The following CDH13 variants were observed in gnomAD, a reference collection of about 807,000 sequenced individuals.
The protein encoded by CDH13 is cadherin-13.
A neutral mutation model predicts 63.8 loss-of-function variants in CDH13; 24 were observed. The observed-to-expected ratio is 0.38, with a 90% CI of 0.27 to 0.53. The LOEUF (loss-of-function observed/expected upper bound fraction) is 0.53, where lower values mean the gene tolerates loss of function less well. CDH13 is among the 20% of genes least tolerant of loss of function. CDH13 has a pLI of 0.85. For synonymous variants in CDH13, 503 were observed against 355.3 expected, an observed-to-expected ratio of 1.42 and a Z score of -4.67; for missense variants, 1,049 against 903.1, an observed-to-expected ratio of 1.16 and a Z score of -2.07.
At chr16:83,021,490 A>ATGG (rs1597155578) in intron 2 of CDH13, among the ~76,000 whole-genome samples, 1 of 152,340 alleles carries the variant, frequency 6.6e-6, no homozygotes, top group East Asian at 1.9e-4. Flanking sequence ...TCAGTTTTTA[A>ATGG]TGGTAGGTGG....
chr16:83,599,291 C>T (rs1425198414), intron 7 of CDH13, among the ~76,000 whole-genome samples: 1 of 152,192 alleles, frequency 6.6e-6, no homozygotes, highest in Non-Finnish European at 1.5e-5. Flanking sequence ...ATAGAGTCAC[C>T]CTAGTCTCCC....
intron 7 of CDH13, among the ~76,000 whole-genome samples, chr16:83,507,109 A>G (rs1166757149): frequency 6.6e-6 from 1 of 151,960 alleles, no homozygotes; most frequent in Non-Finnish European, 1.5e-5. Flanking sequence ...TACCCCCCAA[A>G]CCTGGTGTGA....
intron 6 of CDH13, among the ~76,000 whole-genome samples, chr16:83,436,408 C>G (rs933314270): frequency 2.0e-5 from 3 of 151,930 alleles, no homozygotes; most frequent in Non-Finnish European, 4.4e-5. Flanking sequence ...GAGTTCAAGG[C>G]TGAAGTGAGT....
At chr16:82,965,264 C>A (rs1270524777) in intron 2 of CDH13, among the ~76,000 whole-genome samples, 3 of 152,214 alleles carry the variant, frequency 2.0e-5, no homozygotes, top group Non-Finnish European at 4.4e-5. Context: ...CACACGATCT[C>A]TCCAAAGCCT....
At chr16:83,419,796 C>T (rs1478590970) in intron 6 of CDH13, among the ~76,000 whole-genome samples, 1 of 152,150 alleles carries the variant, frequency 6.6e-6, no homozygotes, top group African/African-American at 2.4e-5. Context: ...CTCATGTTTT[C>T]CAGCAGGTTT....
chr16:83,794,090 C>T (rs866447583), intron 13 of CDH13, among the ~76,000 whole-genome samples: 6 of 152,278 alleles, frequency 3.9e-5, no homozygotes, highest in South Asian at 2.1e-4. Flanking sequence ...GGCAAGGGAA[C>T]GGATGCTTTC....
At chr16:82,923,762 T>A (rs146663349) in intron 2 of CDH13, among the ~76,000 whole-genome samples, 1 of 152,338 alleles carries the variant, frequency 6.6e-6, no homozygotes, top group African/African-American at 2.4e-5. Context: ...TTACTTCGCT[T>A]CCTCTTTATT....
At chr16:83,063,355 T>C (rs1329197110) in intron 3 of CDH13, among the ~76,000 whole-genome samples, 5 of 152,148 alleles carry the variant, frequency 3.3e-5, no homozygotes, top group Admixed American at 3.3e-4. Context: ...ACACCATCAG[T>C]TCCCCTGTGT....
At chr16:83,248,284 A>T (rs1175200623) in intron 5 of CDH13, among the ~76,000 whole-genome samples, 1 of 152,122 alleles carries the variant, frequency 6.6e-6, no homozygotes, top group Non-Finnish European at 1.5e-5. Context: ...AGAAGGAGAA[A>T]CAGAGGCAGG....
At chr16:83,153,946 C>A (rs995709547) in intron 4 of CDH13, among the ~76,000 whole-genome samples, 1 of 152,118 alleles carries the variant, frequency 6.6e-6, no homozygotes, top group Non-Finnish European at 1.5e-5. Flanking sequence ...TTCAGTGCAA[C>A]AAAAGAAGCT....
chr16:83,756,661 A>G (rs1913532336), intron 11 of CDH13, among the ~76,000 whole-genome samples: 1 of 152,222 alleles, frequency 6.6e-6, no homozygotes, highest in South Asian at 2.1e-4. Flanking sequence ...AAGATTGGAC[A>G]CCCCTGTTTA....
At chr16:82,848,954 G>A (rs1567597707) in intron 1 of CDH13, among the ~76,000 whole-genome samples, 1 of 152,166 alleles carries the variant, frequency 6.6e-6, no homozygotes, top group African/African-American at 2.4e-5. Flanking sequence ...AACTAAAGGT[G>A]CTACTCCACT....
intron 6 of CDH13, among the ~76,000 whole-genome samples, chr16:83,374,347 A>G (rs1196900351): frequency 1.3e-5 from 2 of 152,140 alleles, no homozygotes; most frequent in African/African-American, 4.8e-5. Flanking sequence ...GCCAAATTCC[A>G]TTGGTTTCTA....
At chr16:83,304,649 C>T (rs554390012) in intron 5 of CDH13, among the ~76,000 whole-genome samples, 2 of 152,076 alleles carry the variant, frequency 1.3e-5, no homozygotes, top group Non-Finnish European at 2.9e-5. Flanking sequence ...GGAACAGGTT[C>T]TTTACTGAAA....
rs1220354082 is a variant in CDH13 at position 83,249,943 on chromosome 16, T to C, written c.636+32446T>C. 2.6e-5 allele frequency among the ~76,000 whole-genome samples: 4 copies of C among 152,334 alleles called. No individual in the cohort carries two copies. In the East Asian group the frequency reaches 7.7e-4, roughly 29 times the overall value. On this transcript the variant is annotated intron_variant, in intron 5 of 13. Coordinates refer to ENST00000567109, the MANE Select transcript of CDH13 (RefSeq NM_001257.5). ...TTGAACTTTAAATTCTTTCTACAAA[T>C]GTTTGACTAACAATCTCCCCAAAAT...
intron 10 of CDH13, among the ~76,000 whole-genome samples, chr16:83,727,539 G>GT (rs1910553319): frequency 6.6e-6 from 1 of 151,610 alleles, no homozygotes; most frequent in Non-Finnish European, 1.5e-5. Flanking sequence ...GCGGCAGTGG[G>GT]TTCTCAAAGG....
At chr16:83,615,346 T>C (rs1166329536) in intron 8 of CDH13, among the ~76,000 whole-genome samples, 2 of 152,136 alleles carry the variant, frequency 1.3e-5, no homozygotes, top group Non-Finnish European at 2.9e-5. Flanking sequence ...TCTTAGAAGA[T>C]GGAACACATT....
chr16:83,419,929 A>ATTT (rs1567660105), intron 6 of CDH13, among the ~76,000 whole-genome samples: 14 of 36,608 alleles, frequency 3.8e-4, no homozygotes, highest in Non-Finnish European at 8.6e-4. Context: ...TTTTTTTTTA[A>ATTT]AAAAAAGTTT....
chr16:83,574,143 A>G (rs961570337), intron 7 of CDH13, among the ~76,000 whole-genome samples: 2 of 152,170 alleles, frequency 1.3e-5, no homozygotes, highest in African/African-American at 4.8e-5. Flanking sequence ...GATGAGAGAG[A>G]TAAGTGCCTG....
Sources: allele counts gnomAD v4.1 joint callset (sites outside exome capture counted in the v4.1 genomes callset), GRCh38; gene constraint gnomAD v4.1.1; transcripts MANE v1.5; gene names NCBI Gene and HGNC (gene_info 2026-07-23, HGNC 2026-07-21).